Variants in MYBBP1A observed in about 807,000 individuals in gnomAD.
The protein encoded by MYBBP1A is MYB binding protein 1a, also known as myb-binding protein 1A.
In MYBBP1A, 147 loss-of-function variants were observed where a neutral mutation model predicts 136.3. The ratio of observed to expected loss-of-function variants is 1.08; its 90% CI spans 0.94 to 1.24. The LOEUF is 1.24. Among genes scored for constraint, MYBBP1A ranks in the 50% most tolerant of loss-of-function variants. The pLI, the probability that MYBBP1A is intolerant of heterozygous loss-of-function variation, is 0.00. For synonymous variants in MYBBP1A, 947 were observed against 735.8 expected, an observed-to-expected ratio of 1.29 and a Z score of -4.65; for missense variants, 2,060 against 1,727.4, an observed-to-expected ratio of 1.19 and a Z score of -3.41.
chr17:4,545,698 G>C lies in MYBBP1A; in HGVS notation c.1985C>G (p.Pro662Arg), dbSNP rs779066516. Residue 662 changes from proline to arginine, a missense_variant, in exon 15 of 26, where the codon CCC (proline) becomes CGC (arginine). Coordinates refer to ENST00000254718, the MANE Select transcript of MYBBP1A (RefSeq NM_014520.4). The stretch of plus-strand genomic sequence containing the variant: ...GGCCACCTGGCGCATGAGGTGGCTG[G>C]GCTGGGCCAACAGGGCCAGCAAGAT... The part of the protein sequence containing the change: ...VEILLALLAQ[P>R]SHLMRQVARS... 2.2e-5 allele frequency: 35 copies of C among 1,610,684 alleles called. No homozygotes were observed. The highest frequency in any genetic ancestry group is 4.0e-5 in the African/African-American group (3 of 74,830).
Position 4,555,290 on chromosome 17 carries a change from G to A in MYBBP1A, c.35C>T (p.Pro12Leu). The A allele has an allele frequency of 6.2e-7, 1 of 1,609,320 alleles. No homozygotes were observed. Among genetic ancestry groups the A allele is most frequent in the Non-Finnish European group, 8.5e-7 (1 of 1,178,580 alleles). ...ESRDPAQPMS[P>L]GEATQSGARP... Reference sequence around the variant, plus strand: ...GGCGCCACTCTGCGTCGCTTCTCCAGGCGACATCGGCTGGGCGGGATCCCG... The same window carrying A: ...GGCGCCACTCTGCGTCGCTTCTCCAAGCGACATCGGCTGGGCGGGATCCCG... Residue 12 changes from proline (P) to leucine (L), a missense_variant, in exon 1 of 26, where the codon CCT becomes CTT. By Grantham distance (98) the Pro-to-Leu change is moderately conservative. Coordinates refer to ENST00000254718, the MANE Select transcript of MYBBP1A (RefSeq NM_014520.4).
At chr17:4,544,085 A>G (rs1033026114) in intron 19 of MYBBP1A, among the ~76,000 whole-genome samples, 2 of 151,858 alleles carry the variant, frequency 1.3e-5, no homozygotes, top group Non-Finnish European at 2.9e-5. Flanking sequence ...ACTCCCATGC[A>G]CACTACACCT....
chr17:4,539,015 G>T lies in MYBBP1A; in HGVS notation c.*400C>A. The stretch of plus-strand genomic sequence containing the variant: ...CAAATATATTCCTCTTGTAAATGAA[G>T]AAATAAACCTATTTAAATCACCCCC... On this transcript the variant is annotated 3_prime_UTR_variant, in exon 26 of 26. Coordinates refer to ENST00000254718, the MANE Select transcript of MYBBP1A (RefSeq NM_014520.4). The T allele has an allele frequency of 1.2e-6, 1 of 827,078 alleles. No individual in the cohort carries two copies. Among genetic ancestry groups the T allele is most frequent in the Non-Finnish European group, 2.2e-6 (1 of 461,074 alleles). 51.2% of individuals were successfully genotyped at this position (827,078 alleles called of 1,614,324 possible).
At chr17:4,542,574 G>A (rs1236472282) in intron 21 of MYBBP1A, 42 bp from the exon 22 acceptor site, 18 of 1,613,146 alleles carry the variant, frequency 1.1e-5, no homozygotes, top group Non-Finnish European at 1.4e-5. Context: ...AGGCTGGGCT[G>A]AGCAGGGACC....
Position 4,555,126 on chromosome 17 carries a change from C to A in MYBBP1A, c.198+1G>T. ...CTCTGCCCCAGACCCCGCCACTCCA[C>A]CTTCGGCCTGCCACGCAGATACTCC... On this transcript the variant is annotated splice_donor_variant, in intron 1 of 25. Coordinates refer to ENST00000254718, the MANE Select transcript of MYBBP1A (RefSeq NM_014520.4). LOFTEE classifies it high-confidence loss of function. The A allele has an allele frequency of 6.3e-7, 1 of 1,587,544 alleles. No homozygotes were observed. Among genetic ancestry groups the A allele is most frequent in the East Asian group, 2.3e-5 (1 of 43,454 alleles).
rs148571718 is a variant in MYBBP1A at position 4,552,263 on chromosome 17, G to A, written c.767C>T (p.Ser256Phe). 3.1e-6 allele frequency: 5 copies of A among 1,614,034 alleles called. No homozygotes were observed. The highest frequency in any genetic ancestry group is 4.2e-6 in the Non-Finnish European group (5 of 1,180,048). ...CAGCTTGCGGTCCTTCTTCACAGAG[G>A]AGGCGGCCATCTTCAGCACATTCAC... ...RLVNVLKMAA[S>F]SVKKDRKLPA... is the part of the protein sequence containing the mutation. The change falls in exon 7 of 26, where the codon TCC (serine) becomes TTC (phenylalanine). Residue 256 changes from serine (S) to phenylalanine (F), a missense_variant. Physicochemically the swap from Ser to Phe is radical, Grantham distance 155. Coordinates refer to ENST00000254718, the MANE Select transcript of MYBBP1A (RefSeq NM_014520.4). The surrounding 1 kb of genome is among the most constrained non-coding windows in gnomAD (Gnocchi z 4.7).
intron 17 of MYBBP1A, 26 bp from the exon 18 acceptor site, chr17:4,544,947 G>C: frequency 6.3e-7 from 1 of 1,582,274 alleles, no homozygotes; most frequent in Non-Finnish European, 8.6e-7. Context: ...CCAGCGGTCA[G>C]CCAGGCCTCG....
chr17:4,540,490 G>C lies in MYBBP1A; in HGVS notation c.3298-6C>G. ...GTCAGGTCCAAGGTCAGCTTCTGCA[G>C]AGGGTGGGAAGGCAGAGCTGTGGGG... On this transcript the variant is annotated splice_polypyrimidine_tract_variant and splice_region_variant and intron_variant, in intron 24 of 25. Coordinates refer to ENST00000254718, the MANE Select transcript of MYBBP1A (RefSeq NM_014520.4). The C allele has an allele frequency of 1.2e-6, 2 of 1,605,868 alleles. No individual in the cohort carries two copies. The highest frequency in any genetic ancestry group is 2.7e-5 in the African/African-American group (2 of 74,958).
chr17:4,550,283 T>G lies in MYBBP1A; in HGVS notation c.1094A>C (p.Asp365Ala), dbSNP rs1415688645. The G allele has an allele frequency of 6.2e-7, 1 of 1,613,514 alleles. No homozygotes were observed. Among genetic ancestry groups the G allele is most frequent in the Admixed American group, 1.7e-5 (1 of 60,032 alleles). The change falls in exon 9 of 26, where the codon GAT (aspartate) becomes GCT (alanine). Residue 365 changes from aspartate to alanine, a missense_variant. Asp to Ala is a moderately radical substitution (Grantham distance 126). Transcript: ENST00000254718. The stretch of plus-strand genomic sequence containing the variant: ...CACGGCCAGCTGCCGCTCAGGGTCA[T>G]CCTGGCACCCCTCTAGGAAGGTGCC... ...YVGTFLEGCQDDPERQLAVLV... is the reference protein window; with the variant it reads ...YVGTFLEGCQADPERQLAVLV...
At chr17:4,547,578 A>G (rs1466588242) in intron 13 of MYBBP1A, 1 of 201,294 alleles carries the variant, frequency 5.0e-6, no homozygotes, top group African/African-American at 2.3e-5. Flanking sequence ...CTGAGCCTCG[A>G]ATGTGGTCAG....
rs924208112 is a variant in MYBBP1A, at chr17:4,555,348, G to A, written c.-24C>T. The A allele has an allele frequency of 1.3e-6, 2 of 1,580,826 alleles. No homozygotes were observed. The highest frequency in any genetic ancestry group is 1.7e-6 in the Non-Finnish European group (2 of 1,164,304). On this transcript the variant is annotated 5_prime_UTR_variant, in exon 1 of 26. Coordinates refer to ENST00000254718, the MANE Select transcript of MYBBP1A (RefSeq NM_014520.4). ...ATCTCCGCCACACTCACCGAAACAC[G>A]AAACACGTGTGCTCCGGCCCCAGCC... is the stretch of plus-strand genomic sequence containing the variant.
At position 4,552,456 on chromosome 17, in the gene MYBBP1A, G is replaced by A. The variant is rs140809263; in HGVS notation, c.732C>T (p.Val244=). Residue 244 remains valine, a synonymous_variant, in exon 6 of 26, where the codon GTC becomes GTT. Transcript: ENST00000254718. The surrounding 1 kb of genome is among the most constrained non-coding windows in gnomAD (Gnocchi z 4.7). ...TCCGCCCACCTCCATCACACCTGGG[G>A]ACATTCTCATCTGAGAATAGGTTCA... ...GSVNLFSDEN[V]PRLVNVLKMA... is the part of the protein sequence containing the mutation. 6.2e-7 allele frequency: 1 copy of A among 1,612,836 alleles called. No homozygotes were observed. The highest frequency in any genetic ancestry group is 1.3e-5 in the African/African-American group (1 of 75,014).
intron 21 of MYBBP1A, 41 bp downstream of exon 21, chr17:4,542,575 A>G: frequency 2.5e-6 from 4 of 1,613,122 alleles, no homozygotes; most frequent in Non-Finnish European, 3.4e-6. Context: ...GGCTGGGCTG[A>G]GCAGGGACCA....
At chr17:4,554,800 C>G in intron 2 of MYBBP1A, 61 bp downstream of exon 2, 1 of 1,525,702 alleles carries the variant, frequency 6.6e-7, no homozygotes, top group Non-Finnish European at 9.0e-7. Context: ...CACACCCGCC[C>G]TCCTCATACC....
chr17:4,551,465 C>A (rs1907492812), intron 8 of MYBBP1A, among the ~76,000 whole-genome samples: 1 of 152,202 alleles, frequency 6.6e-6, no homozygotes. Context: ...TCCCAGCACT[C>A]TGGGAGGCCA....
At chr17:4,542,283 G>A in intron 22 of MYBBP1A, 181 bp downstream of exon 22, 1 of 684,536 alleles carries the variant, frequency 1.5e-6, no homozygotes, top group Non-Finnish European at 2.4e-6. Context: ...CTGTGTGGCA[G>A]GGGCCAGGGC....
At chr17:4,541,709 ACTT>A in intron 23 of MYBBP1A, 72 bp downstream of exon 23, 2 of 1,486,630 alleles carry the variant, frequency 1.3e-6, no homozygotes, top group Non-Finnish European at 1.9e-6. Flanking sequence ...TCCAATCCTC[ACTT>A]CTTTCCCAGA....
chr17:4,549,388 G>T lies in MYBBP1A; in HGVS notation c.1374C>A (p.Ser458Arg). The change falls in exon 10 of 26, where the codon AGC (serine) becomes AGA (arginine). Residue 458 changes from serine to arginine, a missense_variant. Physicochemically the swap from Ser to Arg is moderately radical, Grantham distance 110. Transcript: ENST00000254718. Reference sequence around the variant, plus strand: ...TCTCCAGGTGCAGGCTGTCCACAATGCTCACCAATCGAAAGATGATCCATT... The same window carrying T: ...TCTCCAGGTGCAGGCTGTCCACAATTCTCACCAATCGAAAGATGATCCATT... ...LRKWIIFRLV[S>R]IVDSLHLEME... The T allele has an allele frequency of 6.2e-7, 1 of 1,613,268 alleles. No individual in the cohort carries two copies. Among genetic ancestry groups the T allele is most frequent in the Non-Finnish European group, 8.5e-7 (1 of 1,179,990 alleles).
chr17:4,549,582 G>T, intron 9 of MYBBP1A, 140 bp from the exon 10 acceptor site: 2 of 652,546 alleles, frequency 3.1e-6, no homozygotes, highest in Non-Finnish European at 5.2e-6. Context: ...TTCGAGACCA[G>T]CCTGACCAAC....
Sources: allele counts gnomAD v4.1 joint callset (sites outside exome capture counted in the v4.1 genomes callset), GRCh38; gene constraint gnomAD v4.1.1; non-coding constraint Gnocchi (gnomAD v3.1); transcripts MANE v1.5; gene names NCBI Gene and HGNC (gene_info 2026-07-23, HGNC 2026-07-21).